DIS3L2: variants seen among roughly 807,000 people sequenced by gnomAD.
DIS3L2 encodes DIS3 like 3'-5' exoribonuclease 2, also known as DIS3-like exonuclease 2.
In DIS3L2, 34 loss-of-function variants were observed where a neutral mutation model predicts 97.5. The ratio of observed to expected loss-of-function variants is 0.35; its 90% CI spans 0.27 to 0.46. DIS3L2 has a LOEUF of 0.46. Ranked by LOEUF, DIS3L2 falls within the 20% of genes least tolerant of loss-of-function variation. The pLI is 1.00. For synonymous variants in DIS3L2, 435 were observed against 445.2 expected (o/e 0.98, Z 0.29); for missense variants, 1,038 against 1,146.0 (o/e 0.91, Z 1.36).
In DIS3L2 at chr2:232,015,777, G is replaced by A. The variant is rs534121842; in HGVS notation, c.210+106G>A. On this transcript the variant is annotated intron_variant, in intron 3 of 20. Transcript: ENST00000325385. ...TATATGCTTTCAGAGAGACGATGAT[G>A]TAACAGGTGCAGGGCTGTTATGATG... The A allele has an allele frequency of 2.5e-5, 33 of 1,341,416 alleles. No homozygotes were observed. The South Asian group carries it at 3.9e-4, about 16-fold the overall frequency. 83.1% of individuals were successfully genotyped at this position (1,341,416 alleles called of 1,614,324 possible). A position where few individuals can be genotyped will look rare whatever the true frequency, so the allele number is the denominator to read the frequency against.
chr2:232,136,668 T>C lies in DIS3L2; in HGVS notation c.899T>C (p.Leu300Pro). The change falls in exon 8 of 21, where the codon CTG becomes CCG. Residue 300 changes from leucine (L) to proline (P), a missense_variant. Coordinates refer to ENST00000325385, the MANE Select transcript of DIS3L2 (RefSeq NM_152383.5). ...VARPKDYANT[L>P]FICRIVDWKE... Reference sequence around the variant, plus strand: ...CGGCCTAAAGATTATGCCAACACACTGTTCATCTGCCGCATTGTGGACTGG... The same window carrying C: ...CGGCCTAAAGATTATGCCAACACACCGTTCATCTGCCGCATTGTGGACTGG... 1 of 1,613,918 alleles carries C rather than the reference T, an allele frequency of 6.2e-7. No homozygotes were observed. The highest frequency in any genetic ancestry group is 8.5e-7 in the Non-Finnish European group (1 of 1,179,932).
At chr2:232,243,709 A>G (rs1693169375) in intron 11 of DIS3L2, among the ~76,000 whole-genome samples, 1 of 152,224 alleles carries the variant, frequency 6.6e-6, no homozygotes, top group Non-Finnish European at 1.5e-5. Flanking sequence ...CAATTCTGGC[A>G]ATGCATATCA....
intron 10 of DIS3L2, among the ~76,000 whole-genome samples, chr2:232,228,368 C>G (rs560932631): frequency 5.3e-5 from 8 of 152,334 alleles, no homozygotes; most frequent in African/African-American, 1.9e-4. Flanking sequence ...GGATTCCACA[C>G]ACGCATTCCC....
chr2:232,031,923 C>A (rs1178019424), intron 5 of DIS3L2, among the ~76,000 whole-genome samples: 1 of 152,092 alleles, frequency 6.6e-6, no homozygotes, highest in Non-Finnish European at 1.5e-5. Context: ...TGAGTTGGTT[C>A]CAAGTCTTTG....
chr2:232,039,075 G>A (rs1484968893), intron 5 of DIS3L2, among the ~76,000 whole-genome samples: 9 of 152,168 alleles, frequency 5.9e-5, no homozygotes, highest in African/African-American at 2.2e-4. Context: ...GCTCCCGAGA[G>A]TCTTCACAGT....
chr2:232,257,398 T>C (rs1017622157), intron 12 of DIS3L2, among the ~76,000 whole-genome samples: 2 of 152,180 alleles, frequency 1.3e-5, no homozygotes, highest in African/African-American at 4.8e-5. Context: ...TTTCAGACAC[T>C]TGCTTCTTGG....
At chr2:232,067,018 C>G (rs1293248513) in intron 5 of DIS3L2, among the ~76,000 whole-genome samples, 1 of 151,788 alleles carries the variant, frequency 6.6e-6, no homozygotes, top group African/African-American at 2.4e-5. Context: ...TAATCATGTG[C>G]CTTATTTTTC....
intron 1 of DIS3L2, among the ~76,000 whole-genome samples, chr2:231,985,811 T>C (rs7573812): frequency 0.018 from 2,753 of 152,306 alleles, 89 homozygotes; most frequent in African/African-American, 0.062. Context: ...AGGTGTCAAC[T>C]TGATTGGATT....
At chr2:232,337,908 TC>T (rs556206189), downstream of DIS3L2, among the ~76,000 whole-genome samples, 207 of 150,880 alleles carry the variant, frequency 1.4e-3, 2 homozygotes, top group African/African-American at 5.0e-3. Context: ...AGCCTTTCCC[TC>T]CTCCAGGGCT....
At chr2:232,286,175 G>A (rs1268026430) in intron 13 of DIS3L2, among the ~76,000 whole-genome samples, 2 of 152,172 alleles carry the variant, frequency 1.3e-5, no homozygotes, top group African/African-American at 2.4e-5. Context: ...GCAGGGCCTT[G>A]GAAGCTTTTT....
At chr2:231,967,472 T>C (rs1386712419) in intron 1 of DIS3L2, among the ~76,000 whole-genome samples, 1 of 152,210 alleles carries the variant, frequency 6.6e-6, no homozygotes, top group Non-Finnish European at 1.5e-5. Context: ...GTTGCCTTTT[T>C]CTCTGATGTC....
intron 14 of DIS3L2, among the ~76,000 whole-genome samples, chr2:232,322,572 G>A (rs1461561166): frequency 1.3e-5 from 2 of 152,218 alleles, no homozygotes; most frequent in African/African-American, 2.4e-5. Flanking sequence ...GTGGCTGTGT[G>A]GCTGGGGTGG....
intron 10 of DIS3L2, among the ~76,000 whole-genome samples, chr2:232,224,846 A>C (rs945785343): frequency 6.6e-6 from 1 of 151,898 alleles, no homozygotes; most frequent in Non-Finnish European, 1.5e-5. Flanking sequence ...TTTAAAAAAA[A>C]AAAAAAAAGA....
chr2:232,094,388 C>T (rs988191979), intron 6 of DIS3L2, among the ~76,000 whole-genome samples: 13 of 152,032 alleles, frequency 8.6e-5, no homozygotes, highest in African/African-American at 3.1e-4. Flanking sequence ...TTTCTGTCTG[C>T]GAGATCTGTC....
Position 232,288,717 on chromosome 2 carries a change from G to A in DIS3L2, c.1660-11323G>A, listed in dbSNP as rs184508753. 3.7e-3 allele frequency among the ~76,000 whole-genome samples: 562 copies of A among 152,218 alleles called. 2 individuals are homozygous for A. Among genetic ancestry groups the A allele is most frequent in the Non-Finnish European group, 5.9e-3 (399 of 68,024 alleles). On this transcript the variant is annotated intron_variant, in intron 13 of 20. Coordinates refer to ENST00000325385, the MANE Select transcript of DIS3L2 (RefSeq NM_152383.5). The stretch of plus-strand genomic sequence containing the variant: ...TCTGAGTATTGTATGGGAATGTCCC[G>A]TTTTCTTTTTTTTCCATGAACTGAA...
At chr2:232,323,521 G>T (rs1296565972) in intron 14 of DIS3L2, among the ~76,000 whole-genome samples, 1 of 152,146 alleles carries the variant, frequency 6.6e-6, no homozygotes, top group African/African-American at 2.4e-5. Flanking sequence ...CTATAGAAAG[G>T]CCCTGCCATG....
At chr2:232,026,663 G>A (rs537890783) in intron 4 of DIS3L2, among the ~76,000 whole-genome samples, 3 of 152,138 alleles carry the variant, frequency 2.0e-5, no homozygotes, top group African/African-American at 7.2e-5. Flanking sequence ...GGGGAGGGTT[G>A]TGGCTGGAGC....
At chr2:232,201,632 C>T (rs1258025858) in intron 9 of DIS3L2, among the ~76,000 whole-genome samples, 2 of 152,188 alleles carry the variant, frequency 1.3e-5, no homozygotes, top group Non-Finnish European at 2.9e-5. Context: ...GACATTTAAA[C>T]GTGGTCTATG....
At position 232,154,711 on chromosome 2, in the gene DIS3L2, T is replaced by G. The variant is rs947507056; in HGVS notation, c.951-8748T>G. Among the ~76,000 whole-genome samples the G allele has an allele frequency of 1.3e-4, 19 of 148,600 alleles. 3 individuals carry two copies. Among genetic ancestry groups the G allele is most frequent in the African/African-American group, 4.7e-4 (19 of 40,216 alleles). ...GCCTACAGAGGCAGGCAGGCCTCCT[T>G]GAGCTGTGGTGGGCTGCACCCAGTT... On this transcript the variant is annotated intron_variant, in intron 8 of 20. Transcript: ENST00000325385.
Sources: gnomAD v4.1 joint callset for allele counts (sites outside exome capture counted in the v4.1 genomes callset) on GRCh38, gnomAD v4.1.1 for gene constraint, MANE v1.5 for transcripts, NCBI Gene and HGNC (gene_info 2026-07-23, HGNC 2026-07-21) for gene names.